SLC4A7: variants seen among roughly 807,000 people sequenced by gnomAD.
SLC4A7 encodes the protein solute carrier family 4 member 7, also known as sodium bicarbonate cotransporter 3.
In SLC4A7, 51 loss-of-function variants were observed where a neutral mutation model predicts 137.6. That is an observed-to-expected ratio of 0.37 (90% confidence interval 0.30 to 0.47). The LOEUF is 0.47. Ranked by LOEUF, SLC4A7 falls within the 20% of genes least tolerant of loss-of-function variation. The pLI, the probability that SLC4A7 is intolerant of heterozygous loss-of-function variation, is 1.00. For missense variants in SLC4A7, 1,247 were observed against 1,525.4 expected, an observed-to-expected ratio of 0.82 and a Z score of 3.04; for synonymous variants, 542 against 518.6, an observed-to-expected ratio of 1.05 and a Z score of -0.61.
chr3:27,469,547 G>A lies in SLC4A7; in HGVS notation c.60+14520C>T, dbSNP rs567094477. ...AAAGGATATTATAAAGGATACAAAT[G>A]GAGTTCGAGACCAGCCTGACCAACA... On this transcript the variant is annotated intron_variant, in intron 1 of 25. Coordinates refer to ENST00000454389, the MANE Select transcript of SLC4A7 (RefSeq NM_001321103.2). Among the ~76,000 whole-genome samples, 7 of 152,284 alleles carry A rather than the reference G, an allele frequency of 4.6e-5. No homozygotes were observed. The South Asian group carries it at 1.2e-3, about 27-fold the overall frequency.
chr3:27,437,026 T>C (rs1042691943), intron 4 of SLC4A7, among the ~76,000 whole-genome samples: 1 of 152,154 alleles, frequency 6.6e-6, no homozygotes, highest in African/African-American at 2.4e-5. Context: ...ATATTCCCAT[T>C]ACAAAAAGAA....
chr3:27,414,972 C>T (rs1309014255), intron 11 of SLC4A7, among the ~76,000 whole-genome samples: 1 of 152,176 alleles, frequency 6.6e-6, no homozygotes, highest in African/African-American at 2.4e-5. Flanking sequence ...CTGGCTTTTT[C>T]TATAATAATG....
chr3:27,461,606 CAAAAAAA>C (rs200548018), intron 1 of SLC4A7, among the ~76,000 whole-genome samples: 8 of 86,798 alleles, frequency 9.2e-5, no homozygotes, highest in South Asian at 8.2e-4. Context: ...ACCTCGTTTA[CAAAAAAA>C]AAAAAAAAAA....
chr3:27,384,575 C>T (rs893155831), intron 23 of SLC4A7, among the ~76,000 whole-genome samples: 11 of 152,046 alleles, frequency 7.2e-5, no homozygotes, highest in African/African-American at 1.7e-4. Context: ...TTATATATGA[C>T]GAACCTCATT....
intron 22 of SLC4A7, among the ~76,000 whole-genome samples, chr3:27,389,417 C>G (rs1317583705): frequency 6.6e-6 from 1 of 151,794 alleles, no homozygotes; most frequent in Non-Finnish European, 1.5e-5. Context: ...TTCTCTGTGG[C>G]CATGTACAAA....
intron 1 of SLC4A7, 88 bp from the exon 2 acceptor site, chr3:27,452,586 A>G (rs1395666496): frequency 5.8e-6 from 4 of 694,980 alleles, no homozygotes; most frequent in Non-Finnish European, 6.9e-6. Context: ...AACAAAATAT[A>G]AAACAGACTG....
At chr3:27,412,268 T>C (rs1010730416) in intron 11 of SLC4A7, among the ~76,000 whole-genome samples, 1 of 152,216 alleles carries the variant, frequency 6.6e-6, no homozygotes, top group Non-Finnish European at 1.5e-5. Flanking sequence ...TCAAGAGTAC[T>C]ATTCACATGA....
At chr3:27,400,623 GC>G in intron 16 of SLC4A7, 140 bp downstream of exon 16, 2 of 566,848 alleles carry the variant, frequency 3.5e-6, no homozygotes, top group Non-Finnish European at 6.2e-6. Context: ...AGTAGCAACT[GC>G]TATCTGGTCA....
At chr3:27,395,206 A>G (rs2052013988) in intron 18 of SLC4A7, 91 bp from the exon 19 acceptor site, 8 of 825,590 alleles carry the variant, frequency 9.7e-6, no homozygotes, top group East Asian at 2.8e-5. Context: ...TCCAAGAAAT[A>G]CCCAACGAAT....
chr3:27,478,573 T>C (rs1335004208), intron 1 of SLC4A7, among the ~76,000 whole-genome samples: 5 of 149,432 alleles, frequency 3.3e-5, no homozygotes, highest in African/African-American at 1.2e-4. Context: ...CAATTAACAG[T>C]GGACTATGCT....
At position 27,386,431 on chromosome 3, in the gene SLC4A7, CTT is replaced by C. The variant is rs1277183894; in HGVS notation, c.3361-410_3361-409del. Among the ~76,000 whole-genome samples, 3 of 152,188 alleles carry C rather than the reference CTT, an allele frequency of 2.0e-5. No individual in the cohort carries two copies. The South Asian group carries it at 6.2e-4, about 32-fold the overall frequency. On this transcript the variant is annotated intron_variant, in intron 22 of 25. Coordinates refer to ENST00000454389, the MANE Select transcript of SLC4A7 (RefSeq NM_001321103.2). ...ACCTATTCCCAACATTAGGTTTTAACTTTTCAATCATATGGGAGAAATGAACT... is the reference window on the plus strand; with the variant it reads ...ACCTATTCCCAACATTAGGTTTTAACTTCAATCATATGGGAGAAATGAACT...
At chr3:27,438,629 A>C (rs1171293606) in intron 3 of SLC4A7, among the ~76,000 whole-genome samples, 1 of 151,434 alleles carries the variant, frequency 6.6e-6, no homozygotes, top group African/African-American at 2.4e-5. Context: ...AAAATAACAT[A>C]ACATAAAATA....
At chr3:27,420,221 T>C (rs535945869) in intron 10 of SLC4A7, among the ~76,000 whole-genome samples, 1 of 151,898 alleles carries the variant, frequency 6.6e-6, no homozygotes, top group African/African-American at 2.4e-5. Flanking sequence ...GGTTCAGATA[T>C]GGGGCATTTC....
At chr3:27,378,632 G>C (rs1412754523) in intron 25 of SLC4A7, among the ~76,000 whole-genome samples, 1 of 152,110 alleles carries the variant, frequency 6.6e-6, no homozygotes, top group Non-Finnish European at 1.5e-5. Flanking sequence ...AAACTGAATG[G>C]TCTTTATGTC....
At chr3:27,480,506 A>G (rs1357008833) in intron 1 of SLC4A7, among the ~76,000 whole-genome samples, 1 of 152,208 alleles carries the variant, frequency 6.6e-6, no homozygotes, top group Non-Finnish European at 1.5e-5. Context: ...CAGGGGTTAC[A>G]GGCATAAGCC....
At position 27,400,846 on chromosome 3, in the gene SLC4A7, T is replaced by C; in HGVS notation, c.2345A>G (p.Asn782Ser). The C allele has an allele frequency of 6.3e-7, 1 of 1,599,582 alleles. No individual in the cohort carries two copies. Among genetic ancestry groups the C allele is most frequent in the Admixed American group, 1.7e-5 (1 of 59,948 alleles). ...SYSCVCTEPPNPSNETLAQWK... is the reference protein window; with the variant it reads ...SYSCVCTEPPSPSNETLAQWK... ...TTGTGCTAGAGTTTCATTGCTGGGG[T>C]TTGGAGGTTCAGTACATACACATCT... The change falls in exon 16 of 26, where the codon AAC becomes AGC. Residue 782 changes from asparagine (N) to serine (S), a missense_variant. This residue lies in a region of SLC4A7 where 499 missense variants were observed against 664.2 expected (regional missense o/e 0.75). Coordinates refer to ENST00000454389, the MANE Select transcript of SLC4A7 (RefSeq NM_001321103.2).
chr3:27,417,650 AG>A (rs2054525741), intron 11 of SLC4A7, among the ~76,000 whole-genome samples: 1 of 152,164 alleles, frequency 6.6e-6, no homozygotes, highest in African/African-American at 2.4e-5. Context: ...GCTACATAGA[AG>A]GCTAAGGCAG....
At chr3:27,399,915 G>A (rs1256341573) in intron 16 of SLC4A7, among the ~76,000 whole-genome samples, 1 of 152,084 alleles carries the variant, frequency 6.6e-6, no homozygotes, top group Non-Finnish European at 1.5e-5. Context: ...AGACACACGT[G>A]GCTAATGGCT....
At chr3:27,423,615 A>C (rs892402290) in intron 8 of SLC4A7, 5 of 154,488 alleles carry the variant, frequency 3.2e-5, no homozygotes, top group African/African-American at 1.2e-4. Context: ...ACCATAAGAC[A>C]GTAATTCTGG....
Sources: gnomAD v4.1 joint callset for allele counts (sites outside exome capture counted in the v4.1 genomes callset) on GRCh38, gnomAD v4.1.1 for gene constraint, gnomAD v4.1.1 regional missense constraint, MANE v1.5 for transcripts, NCBI Gene and HGNC (gene_info 2026-07-23, HGNC 2026-07-21) for gene names.